Variants in POLR2B observed in about 807,000 individuals in gnomAD.
POLR2B encodes RNA polymerase II subunit B.
In POLR2B, 57 loss-of-function variants were observed where a neutral mutation model predicts 144.6. The observed-to-expected ratio is 0.39, with a 90% CI of 0.32 to 0.49. The LOEUF is 0.49. Ranked by LOEUF, POLR2B falls within the 20% of genes least tolerant of loss-of-function variation. The pLI, the probability that POLR2B is intolerant of heterozygous loss-of-function variation, is 0.83. For missense variants in POLR2B, 595 were observed against 1,467.4 expected (o/e 0.41, Z 9.71); for synonymous variants, 442 against 469.8 (o/e 0.94, Z 0.77).
rs760623820 is a variant in POLR2B at position 57,024,147 on chromosome 4, C to T, written c.2964+35C>T. 2.7e-6 allele frequency: 3 copies of T among 1,098,504 alleles called. No individual in the cohort carries two copies. The South Asian group carries it at 4.0e-5, about 15-fold the overall frequency. 68.0% of individuals were successfully genotyped at this position (1,098,504 alleles called of 1,614,324 possible). A position where few individuals can be genotyped will look rare whatever the true frequency, so the allele number is the denominator to read the frequency against. On this transcript the variant is annotated intron_variant, in intron 21 of 24. Coordinates refer to ENST00000314595, the MANE Select transcript of POLR2B (RefSeq NM_000938.3). Reference sequence around the variant, plus strand: ...GTTCTTCAAAAATATAGATTCTAAGCTGATGCTTCTTCTAAAACTCTGATA... The same window carrying T: ...GTTCTTCAAAAATATAGATTCTAAGTTGATGCTTCTTCTAAAACTCTGATA...
At chr4:57,025,027 G>T in intron 22 of POLR2B, 28 bp downstream of exon 22, 2 of 1,148,628 alleles carry the variant, frequency 1.7e-6, no homozygotes, top group South Asian at 1.3e-5. Flanking sequence ...GTAGTAATTT[G>T]CCACTTGTTT....
chr4:57,030,982 T>C lies in POLR2B; in HGVS notation c.3519T>C (p.Ser1173=). The C allele has an allele frequency of 1.9e-6, 3 of 1,569,204 alleles. No individual in the cohort carries two copies. The highest frequency in any genetic ancestry group is 1.1e-5 in the South Asian group (1 of 90,186). Residue 1173 remains serine (S), a synonymous_variant, in exon 25 of 25, where the codon AGT becomes AGC. Coordinates refer to ENST00000314595, the MANE Select transcript of POLR2B (RefSeq NM_000938.3). The part of the protein sequence containing the change: ...MSMSIAPRMM[S]V Reference sequence around the variant, plus strand: ...TGAGTATTGCACCGCGAATGATGAGTGTTTAGCTATTTTACAGGAGTCAAC... The same window carrying C: ...TGAGTATTGCACCGCGAATGATGAGCGTTTAGCTATTTTACAGGAGTCAAC...
chr4:57,006,947 C>A lies in POLR2B; in HGVS notation c.1349C>A (p.Thr450Asn). The A allele has an allele frequency of 6.2e-7, 1 of 1,613,984 alleles. No homozygotes were observed. The highest frequency in any genetic ancestry group is 2.2e-5 in the East Asian group (1 of 44,866). The part of the protein sequence containing the change: ...ISDGLKYSLA[T>N]GNWGDQKKAH... ...GATGGCCTAAAATACTCTTTAGCTA[C>A]TGGAAACTGGGGTGATCAAAAGAAA... The change falls in exon 10 of 25, where the codon ACT becomes AAT. Residue 450 changes from threonine to asparagine, a missense_variant. Coordinates refer to ENST00000314595, the MANE Select transcript of POLR2B (RefSeq NM_000938.3).
At chr4:57,010,294 T>C in intron 10 of POLR2B, 67 bp from the exon 11 acceptor site, 1 of 1,344,594 alleles carries the variant, frequency 7.4e-7, no homozygotes, top group Admixed American at 2.0e-5. Flanking sequence ...AAATATGACT[T>C]TGCCTCAGTG....
rs1723607092 is a variant in POLR2B, at chr4:57,023,185, G to A, written c.2516-145G>A. The A allele has an allele frequency of 1.4e-6, 1 of 714,120 alleles. No homozygotes were observed. Among genetic ancestry groups the A allele is most frequent in the African/African-American group, 1.8e-5 (1 of 55,992 alleles). 44.2% of individuals were successfully genotyped at this position (714,120 alleles called of 1,614,324 possible). A position where few individuals can be genotyped will look rare whatever the true frequency, so the allele number is the denominator to read the frequency against. On this transcript the variant is annotated intron_variant, in intron 18 of 24. Transcript: ENST00000314595. The surrounding 1 kb of genome is among the most constrained non-coding windows in gnomAD (Gnocchi z 4.3). The stretch of plus-strand genomic sequence containing the variant: ...GTGTGGGCTGTAGTATTAGAGTTCA[G>A]AATAGTTTGTAATATTTGGAATAAG...
intron 1 of POLR2B, among the ~76,000 whole-genome samples, chr4:56,983,686 T>C (rs1466171751): frequency 6.6e-6 from 1 of 151,776 alleles, no homozygotes; most frequent in East Asian, 1.9e-4. Context: ...TTAAAGAAAA[T>C]TTTAGAGACG....
chr4:57,012,416 TA>T (rs71913668), intron 13 of POLR2B, among the ~76,000 whole-genome samples: 132,243 of 148,734 alleles, frequency 0.89, 58,706 homozygotes, highest in South Asian at 0.95. Flanking sequence ...AAAAATTTAT[TA>T]AAAAAAAAAA....
rs370627421 is a variant in POLR2B at position 57,017,732 on chromosome 4, T to C, written c.2323+4T>C. On this transcript the variant is annotated splice_donor_region_variant and intron_variant, in intron 16 of 24. Transcript: ENST00000314595. The surrounding 1 kb of genome is among the most constrained non-coding windows in gnomAD (Gnocchi z 4.8). Reference sequence around the variant, plus strand: ...CGATTTAGAGAGCTGCCAGCAGGTATGGTCAGTTTTGCTCTACGTTATTTA... The same window carrying C: ...CGATTTAGAGAGCTGCCAGCAGGTACGGTCAGTTTTGCTCTACGTTATTTA... 4 of 1,610,782 alleles carry C rather than the reference T, an allele frequency of 2.5e-6. No homozygotes were observed. In the African/African-American group the frequency reaches 5.3e-5, roughly 22 times the overall value.
In POLR2B at chr4:57,010,423, T is replaced by A; in HGVS notation, c.1467T>A (p.Ile489=). 1 of 1,614,082 alleles carries A rather than the reference T, an allele frequency of 6.2e-7. No homozygotes were observed. Among genetic ancestry groups the A allele is most frequent in the African/African-American group, 1.3e-5 (1 of 75,040 alleles). ...LSHLRRLNSP[I]GRDGKLAKPR... ...ACCTGCGTCGTTTAAATTCTCCTAT[T>A]GGTAGAGACGGCAAGCTAGCAAAAC... The change falls in exon 11 of 25, where the codon ATT becomes ATA. Residue 489 remains isoleucine (I), a synonymous_variant. Coordinates refer to ENST00000314595, the MANE Select transcript of POLR2B (RefSeq NM_000938.3).
intron 1 of POLR2B, among the ~76,000 whole-genome samples, chr4:56,982,275 G>A (rs958393960): frequency 6.6e-6 from 1 of 151,294 alleles, no homozygotes; most frequent in Non-Finnish European, 1.5e-5. Context: ...CTCGGTGAAG[G>A]GCACATTTGG....
At position 57,015,180 on chromosome 4, in the gene POLR2B, A is replaced by G. The variant is rs114348047; in HGVS notation, c.1801-322A>G. Among the ~76,000 whole-genome samples the G allele has an allele frequency of 6.3e-3, 963 of 152,344 alleles. 10 individuals are homozygous for G. Among genetic ancestry groups the G allele is most frequent in the African/African-American group, 0.022 (926 of 41,580 alleles). The stretch of plus-strand genomic sequence containing the variant: ...GTTACAGGGTGAGATATATGTCATC[A>G]GCAAAGAACCAAAATAAGAAATTGT... On this transcript the variant is annotated intron_variant, in intron 13 of 24. Coordinates refer to ENST00000314595, the MANE Select transcript of POLR2B (RefSeq NM_000938.3).
In POLR2B at chr4:57,024,870, C is replaced by CTT; in HGVS notation, c.2965-7_2965-6dup. The CTT allele has an allele frequency of 6.3e-6, 8 of 1,264,964 alleles. No individual in the cohort carries two copies. Among genetic ancestry groups the CTT allele is most frequent in the African/African-American group, 1.5e-5 (1 of 66,124 alleles). The allele number at this position is 1,264,964 out of a possible 1,614,324, so 78.4% of individuals were successfully genotyped here. The stretch of plus-strand genomic sequence containing the variant: ...GACTGAAGCAACATTTTAAAGAGTA[C>CTT]TTTTTTTTTTAAAAGGTATCGGCTA... On this transcript the variant is annotated splice_polypyrimidine_tract_variant and intron_variant, in intron 21 of 24. Coordinates refer to ENST00000314595, the MANE Select transcript of POLR2B (RefSeq NM_000938.3).
intron 9 of POLR2B, among the ~76,000 whole-genome samples, 154 bp from the exon 10 acceptor site, chr4:57,006,662 T>C (rs1014786385): frequency 1.3e-5 from 2 of 152,240 alleles, no homozygotes; most frequent in Admixed American, 6.5e-5. Flanking sequence ...ACTATACATA[T>C]ATCTGTGCTT....
chr4:57,020,036 T>C (rs1400576350), intron 16 of POLR2B, among the ~76,000 whole-genome samples: 1 of 152,148 alleles, frequency 6.6e-6, no homozygotes, highest in Non-Finnish European at 1.5e-5. Flanking sequence ...TATCAAGTTA[T>C]TTTATTTTAT....
At chr4:56,992,828 C>T (rs957246661) in intron 3 of POLR2B, among the ~76,000 whole-genome samples, 3 of 151,688 alleles carry the variant, frequency 2.0e-5, no homozygotes, top group Non-Finnish European at 4.4e-5. Context: ...TCCCAAAGTG[C>T]TGGGATTACA....
rs145002914 is a variant in POLR2B at position 57,010,155 on chromosome 4, A to T, written c.1405-206A>T. 91 of 521,302 alleles carry T rather than the reference A, an allele frequency of 1.7e-4. No homozygotes were observed. The East Asian group carries it at 2.8e-3, about 16-fold the overall frequency. 32.3% of individuals were successfully genotyped at this position (521,302 alleles called of 1,614,324 possible). ...TTTGGAGACCATAAACAGAATGTTT[A>T]TGTGGTATGTTTGAATATATTTGCC... On this transcript the variant is annotated intron_variant, in intron 10 of 24. Coordinates refer to ENST00000314595, the MANE Select transcript of POLR2B (RefSeq NM_000938.3).
chr4:57,025,352 A>G, intron 22 of POLR2B, 25 bp from the exon 23 acceptor site: 1 of 1,586,854 alleles, frequency 6.3e-7, no homozygotes, highest in Non-Finnish European at 8.7e-7. Context: ...TTAGGTCTAC[A>G]CTTCAAAATC....
At chr4:56,996,303 A>C in intron 6 of POLR2B, among the ~76,000 whole-genome samples, 1 of 78,844 alleles carries the variant, frequency 1.3e-5, no homozygotes, top group African/African-American at 4.5e-5. Context: ...TTTTTTTGAG[A>C]CGGAGTCTTG....
At position 56,986,237 on chromosome 4, in the gene POLR2B, A is replaced by G. The variant is rs188611773; in HGVS notation, c.20-117A>G. 110 of 769,348 alleles carry G rather than the reference A, an allele frequency of 1.4e-4. 1 individual carries two copies. In the Middle Eastern group the frequency reaches 2.4e-3, roughly 17 times the overall value. 47.7% of individuals were successfully genotyped at this position (769,348 alleles called of 1,614,324 possible). On this transcript the variant is annotated intron_variant, in intron 1 of 24. Transcript: ENST00000314595. ...ATTGAAATTTTAGAAAAGTGGGGTG[A>G]AAGCATTACTTATTCAGCAGAAAGT...
Sources: gnomAD v4.1 joint callset for allele counts (sites outside exome capture counted in the v4.1 genomes callset) on GRCh38, gnomAD v4.1.1 for gene constraint, Gnocchi (gnomAD v3.1) non-coding constraint, MANE v1.5 for transcripts, NCBI Gene and HGNC (gene_info 2026-07-23, HGNC 2026-07-21) for gene names.